The following C17orf67 variants were observed in gnomAD, a reference collection of about 807,000 sequenced individuals.
C17orf67 encodes uncharacterized protein C17orf67.
C17orf67 carries 12 observed loss-of-function variants against 11.2 expected under a neutral mutation model. That is an observed-to-expected ratio of 1.07 (90% CI 0.68 to 1.73). C17orf67 has a LOEUF of 1.73. Ranked by LOEUF, C17orf67 falls within the 40% of genes most tolerant of loss-of-function variation. C17orf67 has a pLI of 0.00. For synonymous variants in C17orf67, 59 were observed against 46.9 expected (o/e 1.26, Z -1.05); for missense variants, 115 against 113.5 (o/e 1.01, Z -0.06).
At chr17:56,798,186 C>T (rs560254169) in intron 6 of C17orf67, among the ~76,000 whole-genome samples, 2 of 152,326 alleles carry the variant, frequency 1.3e-5, no homozygotes, top group Admixed American at 6.5e-5. Context: ...CTACCCAGCC[C>T]GACTGCCTCT....
intron 2 of C17orf67, among the ~76,000 whole-genome samples, chr17:56,827,918 G>A (rs1316514452): frequency 2.6e-5 from 4 of 152,122 alleles, no homozygotes; most frequent in Non-Finnish European, 5.9e-5. Flanking sequence ...TAAAAATGTG[G>A]ATGCTGGGCC....
intron 4 of C17orf67, among the ~76,000 whole-genome samples, chr17:56,821,871 C>T (rs1196747181): frequency 6.6e-6 from 1 of 152,198 alleles, no homozygotes; most frequent in African/African-American, 2.4e-5. Context: ...AGACATGACA[C>T]TAACAAGGGT....
intron 2 of C17orf67, among the ~76,000 whole-genome samples, chr17:56,829,130 G>A (rs985942583): frequency 2.0e-5 from 3 of 152,076 alleles, no homozygotes; most frequent in Non-Finnish European, 2.9e-5. Flanking sequence ...ACAAAAATTA[G>A]CCAGGCATGG....
At chr17:56,826,511 C>A (rs2144150560) in intron 2 of C17orf67, among the ~76,000 whole-genome samples, 1 of 152,346 alleles carries the variant, frequency 6.6e-6, no homozygotes, top group South Asian at 2.1e-4. Flanking sequence ...CCTCCCACTT[C>A]ATTACACTGC....
chr17:56,807,711 G>GT (rs535463261), intron 6 of C17orf67, among the ~76,000 whole-genome samples: 21 of 151,956 alleles, frequency 1.4e-4, no homozygotes, highest in African/African-American at 3.4e-4. Flanking sequence ...CCAAACAGAG[G>GT]TTTTTTCTCT....
At chr17:56,809,678 C>T (rs1905547975) in intron 6 of C17orf67, among the ~76,000 whole-genome samples, 3 of 145,540 alleles carry the variant, frequency 2.1e-5, no homozygotes, top group Non-Finnish European at 4.5e-5. Context: ...CACACAGACC[C>T]TCACACACAC....
chr17:56,809,020 T>C (rs1436634681), intron 6 of C17orf67, among the ~76,000 whole-genome samples: 1 of 152,002 alleles, frequency 6.6e-6, no homozygotes, highest in African/African-American at 2.4e-5. Flanking sequence ...GGTGATTTAG[T>C]GTGGAGGGGT....
chr17:56,818,566 A>G (rs1442884308), intron 4 of C17orf67, among the ~76,000 whole-genome samples: 1 of 152,200 alleles, frequency 6.6e-6, no homozygotes, highest in Non-Finnish European at 1.5e-5. Flanking sequence ...TTTTGTCTAT[A>G]TCAGCACTGT....
intron 4 of C17orf67, among the ~76,000 whole-genome samples, chr17:56,817,545 C>T (rs1299393867): frequency 6.6e-6 from 1 of 152,152 alleles, no homozygotes; most frequent in Non-Finnish European, 1.5e-5. Context: ...CAGCCTCAAC[C>T]TCCTGAGCTC....
At position 56,814,913 on chromosome 17, in the gene C17orf67, G is replaced by C; in HGVS notation, c.112C>G (p.Gln38Glu). The C allele has an allele frequency of 6.2e-7, 1 of 1,614,126 alleles. No individual in the cohort carries two copies. Reference sequence around the variant, plus strand: ...AATCCGGGTTTGCTTGGTCTATCCTGTCGCCGAGATCTTAGGAGCTGTTTG... The same window carrying C: ...AATCCGGGTTTGCTTGGTCTATCCTCTCGCCGAGATCTTAGGAGCTGTTTG... ...QAKQLLRSRR[Q>E]DRPSKPGFPD... The change falls in exon 6 of 8, where the codon CAG (glutamine) becomes GAG (glutamate). Residue 38 changes from glutamine to glutamate, a missense_variant. Gln to Glu is a conservative substitution (Grantham distance 29). Transcript: ENST00000397861.
chr17:56,812,797 C>A (rs1443600812), intron 6 of C17orf67, among the ~76,000 whole-genome samples: 1 of 151,964 alleles, frequency 6.6e-6, no homozygotes, highest in African/African-American at 2.4e-5. Flanking sequence ...AGGTGATGAC[C>A]ACAAGTGGGA....
In C17orf67 at chr17:56,821,479, T is replaced by A. The variant is rs181560487; in HGVS notation, c.-201+3260A>T. Among the ~76,000 whole-genome samples, 186 of 152,320 alleles carry A rather than the reference T, an allele frequency of 1.2e-3. 2 individuals carry two copies. The highest frequency in any genetic ancestry group is 1.9e-4 in the Non-Finnish European group (13 of 68,028). On this transcript the variant is annotated intron_variant, in intron 4 of 7. Coordinates refer to ENST00000397861, the MANE Select transcript of C17orf67 (RefSeq NM_001085430.4). ...CTCCATAAGCTGTGTGTGGTGCTTA[T>A]GGGTCTAGATCCTTCCATCTCTATT...
chr17:56,809,891 CCCCTTACACACA>C (rs1189449256), intron 6 of C17orf67, among the ~76,000 whole-genome samples: 3 of 144,986 alleles, frequency 2.1e-5, no homozygotes, highest in African/African-American at 7.7e-5. Flanking sequence ...CTCACACACA[CCCCTTACACACA>C]CCCTTACACA....
chr17:56,816,595 G>C (rs942661265), intron 4 of C17orf67, among the ~76,000 whole-genome samples: 1 of 152,190 alleles, frequency 6.6e-6, no homozygotes, highest in African/African-American at 2.4e-5. Context: ...TGCCAAGGTA[G>C]AGCCTACGTC....
At chr17:56,804,843 C>T (rs1289874511) in intron 6 of C17orf67, among the ~76,000 whole-genome samples, 1 of 152,116 alleles carries the variant, frequency 6.6e-6, no homozygotes, top group Non-Finnish European at 1.5e-5. Flanking sequence ...GAGCAATTGG[C>T]AAACAACCTC....
At chr17:56,809,541 C>G (rs1905538646) in intron 6 of C17orf67, among the ~76,000 whole-genome samples, 1 of 145,684 alleles carries the variant, frequency 6.9e-6, no homozygotes, top group Non-Finnish European at 1.5e-5. Context: ...ACGTACACCC[C>G]TCACACACAC....
chr17:56,828,131 C>T (rs1906090716), intron 2 of C17orf67, among the ~76,000 whole-genome samples: 1 of 143,116 alleles, frequency 7.0e-6, no homozygotes, highest in African/African-American at 2.6e-5. Context: ...AAAAGCCAGG[C>T]ACGGCGGCTC....
At chr17:56,810,230 A>G (rs191646506) in intron 6 of C17orf67, among the ~76,000 whole-genome samples, 1 of 140,526 alleles carries the variant, frequency 7.1e-6, no homozygotes, top group African/African-American at 2.7e-5. Flanking sequence ...CACCCCTCAC[A>G]TACATCCTCA....
At chr17:56,809,998 C>G (rs913837701) in intron 6 of C17orf67, among the ~76,000 whole-genome samples, 3 of 147,176 alleles carry the variant, frequency 2.0e-5, no homozygotes, top group Admixed American at 2.0e-4. Context: ...CCTTCACACA[C>G]ACACCCCAGA....
Sources: allele counts gnomAD v4.1 joint callset (sites outside exome capture counted in the v4.1 genomes callset), GRCh38; gene constraint gnomAD v4.1.1; transcripts MANE v1.5; gene names NCBI Gene and HGNC (gene_info 2026-07-23, HGNC 2026-07-21).